The following LIPC variants were observed in gnomAD, a reference collection of about 807,000 sequenced individuals.
LIPC encodes lipase C, hepatic type, also known as hepatic triacylglycerol lipase.
A neutral mutation model predicts 50.7 loss-of-function variants in LIPC; 44 were observed. That is an observed-to-expected ratio of 0.87 (90% CI 0.68 to 1.11). LIPC has a LOEUF of 1.11. Ranked by LOEUF, LIPC falls within the 50% of genes most tolerant of loss-of-function variation. LIPC has a pLI of 0.00. For synonymous variants in LIPC, 271 were observed against 256.4 expected, an observed-to-expected ratio of 1.06 and a Z score of -0.54; for missense variants, 697 against 648.2, an observed-to-expected ratio of 1.08 and a Z score of -0.82.
At chr15:58,493,667 A>G (rs548110421) in intron 1 of LIPC, among the ~76,000 whole-genome samples, 1 of 147,678 alleles carries the variant, frequency 6.8e-6, no homozygotes, top group African/African-American at 2.5e-5. Context: ...TAAAATTTAT[A>G]CAAAATTTAT....
intron 1 of LIPC, among the ~76,000 whole-genome samples, chr15:58,507,278 T>C (rs182366533): frequency 6.6e-6 from 1 of 152,070 alleles, no homozygotes; most frequent in Non-Finnish European, 1.5e-5. Flanking sequence ...CTTTTCTTTT[T>C]GCTTTCTCTA....
chr15:58,451,834 C>T (rs1220965882), intron 1 of LIPC, among the ~76,000 whole-genome samples: 2 of 152,174 alleles, frequency 1.3e-5, no homozygotes, highest in Admixed American at 1.3e-4. Context: ...ACAGCTGTGG[C>T]TCTGCACCTT....
At chr15:58,475,129 G>A (rs1474035058) in intron 1 of LIPC, among the ~76,000 whole-genome samples, 1 of 152,168 alleles carries the variant, frequency 6.6e-6, no homozygotes, top group Non-Finnish European at 1.5e-5. Context: ...CATGTGGTCA[G>A]GAAGTCCAGC....
intron 6 of LIPC, among the ~76,000 whole-genome samples, chr15:58,549,595 G>A (rs1893675983): frequency 6.6e-6 from 1 of 152,208 alleles, no homozygotes; most frequent in South Asian, 2.1e-4. Flanking sequence ...ACCTGGAACA[G>A]GGCCACCTGA....
intron 1 of LIPC, chr15:58,533,172 G>T (rs1231281379): frequency 1.0e-6 from 1 of 985,194 alleles, no homozygotes; most frequent in Non-Finnish European, 1.2e-6. Flanking sequence ...CATGAGAAAA[G>T]CTCCAGTTTC....
intron 1 of LIPC, among the ~76,000 whole-genome samples, chr15:58,504,708 T>C (rs1374177819): frequency 6.6e-6 from 1 of 152,244 alleles, no homozygotes; most frequent in African/African-American, 2.4e-5. Context: ...ATTTCTACCA[T>C]TATTGTCAGA....
intron 1 of LIPC, among the ~76,000 whole-genome samples, chr15:58,495,380 T>C (rs949627895): frequency 3.9e-5 from 6 of 152,248 alleles, no homozygotes; most frequent in South Asian, 2.1e-4. Flanking sequence ...ATACTCTTCA[T>C]AGAATCTGTT....
At chr15:58,542,017 C>A (rs1294017877) in intron 3 of LIPC, 50 bp downstream of exon 3, 1 of 1,555,348 alleles carries the variant, frequency 6.4e-7, no homozygotes. Flanking sequence ...CCTTTCCCTT[C>A]CTCTGAGAGT....
intron 1 of LIPC, among the ~76,000 whole-genome samples, chr15:58,510,605 A>C (rs1892299033): frequency 6.6e-6 from 1 of 152,266 alleles, no homozygotes; most frequent in Non-Finnish European, 1.5e-5. Context: ...CAAAGCAACT[A>C]AGAGTAGGAG....
At chr15:58,499,252 C>T (rs556556655) in intron 1 of LIPC, among the ~76,000 whole-genome samples, 1 of 152,282 alleles carries the variant, frequency 6.6e-6, no homozygotes, top group South Asian at 2.1e-4. Flanking sequence ...CTAAACAATG[C>T]CTTTGGGGAC....
chr15:58,508,761 C>A (rs1380799004), intron 1 of LIPC, among the ~76,000 whole-genome samples: 1 of 152,098 alleles, frequency 6.6e-6, no homozygotes, highest in Non-Finnish European at 1.5e-5. Flanking sequence ...CATTCACATC[C>A]TTCTGCCCTC....
At position 58,471,262 on chromosome 15, in the gene LIPC, G is replaced by A. The variant is rs575575266; in HGVS notation, c.88+39142G>A. The stretch of plus-strand genomic sequence containing the variant: ...AGCGATTCTCCTACCTCAGCCTCCC[G>A]AGTAGCTGGGATTACAGGCACTCGC... On this transcript the variant is annotated intron_variant, in intron 1 of 8. Coordinates refer to ENST00000299022, the MANE Select transcript of LIPC (RefSeq NM_000236.3). Among the ~76,000 whole-genome samples, 43 of 141,132 alleles carry A rather than the reference G, an allele frequency of 3.0e-4. 1 individual carries two copies. In the South Asian group the frequency reaches 5.8e-3, roughly 19 times the overall value. The allele number at this position is 141,132 out of a possible 152,430, so 92.6% of individuals were successfully genotyped here. A position where few individuals can be genotyped will look rare whatever the true frequency, so the allele number is the denominator to read the frequency against.
chr15:58,493,650 G>A (rs8039264), intron 1 of LIPC, among the ~76,000 whole-genome samples: 55,015 of 136,378 alleles, frequency 0.4, 11,725 homozygotes, highest in South Asian at 0.5. Context: ...AATTTATTAC[G>A]TATAAATAAA....
chr15:58,545,509 A>T (rs1893489797), intron 4 of LIPC, among the ~76,000 whole-genome samples: 1 of 152,186 alleles, frequency 6.6e-6, no homozygotes, highest in Admixed American at 6.5e-5. Flanking sequence ...GAGTTTCCGC[A>T]AACCTCTTTC....
intron 1 of LIPC, among the ~76,000 whole-genome samples, chr15:58,470,597 C>CTTTT (rs5812936): frequency 2.2e-5 from 3 of 136,304 alleles, no homozygotes; most frequent in Non-Finnish European, 3.2e-5. Context: ...CATTTAACTC[C>CTTTT]TTTTTTTTTT....
Position 58,446,047 on chromosome 15 carries a change from G to A in LIPC, c.88+13927G>A, listed in dbSNP as rs147585980. On this transcript the variant is annotated intron_variant, in intron 1 of 8. Coordinates refer to ENST00000299022, the MANE Select transcript of LIPC (RefSeq NM_000236.3). ...AGACTCAATAACTGTTTGCATTTTCGTATATTTGCTGTATGTGCATATTTA... is the reference window on the plus strand; with the variant it reads ...AGACTCAATAACTGTTTGCATTTTCATATATTTGCTGTATGTGCATATTTA... Among the ~76,000 whole-genome samples the A allele has an allele frequency of 9.9e-4, 151 of 152,156 alleles. 1 individual carries two copies. The highest frequency in any genetic ancestry group is 3.5e-3 in the African/African-American group (147 of 41,500).
intron 1 of LIPC, chr15:58,456,384 T>C (rs1894114875): frequency 6.6e-6 from 1 of 152,260 alleles, no homozygotes; most frequent in Non-Finnish European, 1.5e-5. Flanking sequence ...CCTCAATGCT[T>C]TCTGTACCTT....
At chr15:58,464,559 C>T (rs1476899167) in intron 1 of LIPC, among the ~76,000 whole-genome samples, 1 of 152,212 alleles carries the variant, frequency 6.6e-6, no homozygotes. Context: ...TATGCCAGTC[C>T]TTGAATTCTG....
chr15:58,542,897 T>TCCC (rs1195181667), intron 4 of LIPC, among the ~76,000 whole-genome samples: 5 of 152,224 alleles, frequency 3.3e-5, no homozygotes, highest in Non-Finnish European at 7.3e-5. Flanking sequence ...CTCATGTTGG[T>TCCC]GTGCCAAATG....
Sources: gnomAD v4.1 joint callset for allele counts (sites outside exome capture counted in the v4.1 genomes callset) on GRCh38, gnomAD v4.1.1 for gene constraint, MANE v1.5 for transcripts, NCBI Gene and HGNC (gene_info 2026-07-23, HGNC 2026-07-21) for gene names.